TSPAN9: variants seen among roughly 807,000 people sequenced by gnomAD.
TSPAN9 encodes tetraspanin-9.
A neutral mutation model predicts 31.0 loss-of-function variants in TSPAN9; 16 were observed. The observed-to-expected ratio is 0.52, with a 90% CI of 0.35 to 0.78. The LOEUF is 0.78. Ranked by LOEUF, TSPAN9 falls within the 30% of genes least tolerant of loss-of-function variation. The pLI is 0.01. For synonymous variants in TSPAN9, 145 were observed against 121.6 expected (o/e 1.19, Z -1.27); for missense variants, 272 against 312.5 (o/e 0.87, Z 0.98).
intron 2 of TSPAN9, among the ~76,000 whole-genome samples, chr12:3,093,576 A>G (rs1029688858): frequency 6.6e-5 from 10 of 152,160 alleles, no homozygotes; most frequent in Non-Finnish European, 1.0e-4. Context: ...CAGAGGGCAG[A>G]TCGAATGGAT....
intron 2 of TSPAN9, among the ~76,000 whole-genome samples, chr12:3,151,786 C>T (rs1411214882): frequency 6.6e-6 from 1 of 152,020 alleles, no homozygotes; most frequent in Non-Finnish European, 1.5e-5. Flanking sequence ...ACAAAACAAC[C>T]GTGGTGTGCG....
chr12:3,131,568 T>C (rs1204030797), intron 2 of TSPAN9, among the ~76,000 whole-genome samples: 1 of 152,192 alleles, frequency 6.6e-6, no homozygotes, highest in Non-Finnish European at 1.5e-5. Flanking sequence ...GCTTCTGGCC[T>C]GACCGTGGCA....
intron 3 of TSPAN9, among the ~76,000 whole-genome samples, chr12:3,251,747 G>C (rs1208924023): frequency 6.6e-6 from 1 of 152,204 alleles, no homozygotes; most frequent in South Asian, 2.1e-4. Context: ...GTTGGCACCA[G>C]CTGTCAGCCC....
At chr12:3,123,281 C>T (rs1433498633) in intron 2 of TSPAN9, among the ~76,000 whole-genome samples, 2 of 152,222 alleles carry the variant, frequency 1.3e-5, no homozygotes, top group Non-Finnish European at 2.9e-5. Flanking sequence ...CCTGCTTACT[C>T]TTGGTGCCCT....
intron 3 of TSPAN9, among the ~76,000 whole-genome samples, chr12:3,251,716 C>T (rs1862246375): frequency 6.6e-6 from 1 of 152,212 alleles, no homozygotes; most frequent in Non-Finnish European, 1.5e-5. Flanking sequence ...CTCTGGCTGC[C>T]TGGGCCTCCT....
At position 3,089,637 on chromosome 12, in the gene TSPAN9, G is replaced by A. The variant is rs184809018; in HGVS notation, c.-18+5918G>A. Among the ~76,000 whole-genome samples, 79 of 152,156 alleles carry A rather than the reference G, an allele frequency of 5.2e-4. 1 individual carries two copies. Among genetic ancestry groups the A allele is most frequent in the Non-Finnish European group, 9.9e-4 (67 of 68,004 alleles). The stretch of plus-strand genomic sequence containing the variant: ...TTAAAAAGCATCCTTTTGGCTGGGT[G>A]TGGTAGCTTATGCCTGTACTCCCAG... On this transcript the variant is annotated intron_variant, in intron 2 of 8. Transcript: ENST00000011898.
chr12:3,157,653 C>T (rs1420431776), intron 2 of TSPAN9, among the ~76,000 whole-genome samples: 2 of 152,316 alleles, frequency 1.3e-5, no homozygotes, highest in East Asian at 3.9e-4. Context: ...AGAAACAGAC[C>T]TACAGAGGTC....
intron 3 of TSPAN9, among the ~76,000 whole-genome samples, chr12:3,236,761 ACTCTT>A (rs765214629): frequency 6.2e-4 from 94 of 151,502 alleles, no homozygotes; most frequent in Non-Finnish European, 2.2e-4. Context: ...CAGGCTCATG[ACTCTT>A]CTCCAGGTTC....
In TSPAN9 at chr12:3,284,644, C is replaced by G. The variant is rs184965642; in HGVS notation, c.*1528C>G. On this transcript the variant is annotated 3_prime_UTR_variant, in exon 9 of 9. Coordinates refer to ENST00000011898, the MANE Select transcript of TSPAN9 (RefSeq NM_006675.5). ...GGAGTGGGATTCAGCTGCAGCAGGG[C>G]GCCCCCTCCAAACTGCAGCTGGTCT... is the stretch of plus-strand genomic sequence containing the variant. 6.6e-6 allele frequency: 1 copy of G among 152,528 alleles called. No homozygotes were observed. The highest frequency in any genetic ancestry group is 2.4e-5 in the African/African-American group (1 of 41,428). The allele number at this position is 152,528 out of a possible 1,614,324, so 9.4% of individuals were successfully genotyped here.
chr12:3,266,031 A>G (rs1321713021), intron 3 of TSPAN9, among the ~76,000 whole-genome samples: 2 of 152,056 alleles, frequency 1.3e-5, no homozygotes, highest in Non-Finnish European at 2.9e-5. Context: ...GGCTGCCTCC[A>G]TCCCCACTAG....
chr12:3,193,235 A>T (rs1164302456), intron 2 of TSPAN9, among the ~76,000 whole-genome samples: 2 of 152,156 alleles, frequency 1.3e-5, no homozygotes, highest in African/African-American at 4.8e-5. Context: ...GACAGGGGTC[A>T]TTGAAGGCAT....
chr12:3,259,540 G>A (rs1862410753), intron 3 of TSPAN9, among the ~76,000 whole-genome samples: 1 of 152,170 alleles, frequency 6.6e-6, no homozygotes, highest in South Asian at 2.1e-4. Flanking sequence ...CGTTTAGCAG[G>A]GAAGACAGAC....
At chr12:3,220,036 T>G (rs1257879060) in intron 3 of TSPAN9, among the ~76,000 whole-genome samples, 1 of 151,716 alleles carries the variant, frequency 6.6e-6, no homozygotes, top group Non-Finnish European at 1.5e-5. Context: ...TCCCAGCTGC[T>G]TGGAAGGCTA....
At chr12:3,092,459 G>C (rs1177383958) in intron 2 of TSPAN9, among the ~76,000 whole-genome samples, 3 of 152,134 alleles carry the variant, frequency 2.0e-5, no homozygotes, top group Non-Finnish European at 4.4e-5. Flanking sequence ...GTCTATTTCT[G>C]TTTTACCCAG....
intron 3 of TSPAN9, among the ~76,000 whole-genome samples, chr12:3,235,571 A>G (rs2153976618): frequency 6.6e-6 from 1 of 152,260 alleles, no homozygotes; most frequent in Middle Eastern, 3.4e-3. Flanking sequence ...ACCAGGGGCT[A>G]CATGGATCAA....
chr12:3,096,071 G>A (rs2098308617), intron 2 of TSPAN9, among the ~76,000 whole-genome samples: 1 of 152,022 alleles, frequency 6.6e-6, no homozygotes, highest in Non-Finnish European at 1.5e-5. Flanking sequence ...CGGCGGCAAA[G>A]ACTGAGACAG....
intron 3 of TSPAN9, chr12:3,211,592 C>CTTTT: frequency 5.4e-6 from 5 of 928,618 alleles, no homozygotes; most frequent in Middle Eastern, 3.4e-4. Flanking sequence ...AAATTGCTGT[C>CTTTT]TTTTTTTTTT....
chr12:3,120,333 C>T (rs978161350), intron 2 of TSPAN9, among the ~76,000 whole-genome samples: 4 of 152,278 alleles, frequency 2.6e-5, no homozygotes, highest in African/African-American at 7.2e-5. Flanking sequence ...TCTTTGGAAC[C>T]TGGCTGATTA....
rs2098315157 is a variant in TSPAN9 at position 3,107,221 on chromosome 12, G to T, written c.-18+23502G>T. Among the ~76,000 whole-genome samples, 1 of 152,164 alleles carries T rather than the reference G, an allele frequency of 6.6e-6. No individual in the cohort carries two copies. Among genetic ancestry groups the T allele is most frequent in the South Asian group, 2.1e-4 (1 of 4,826 alleles). ...GGAGGGAGGCTCTATCTAGAAAGCT[G>T]CCTCCATAAATTTGAGTTAGAGTGG... On this transcript the variant is annotated intron_variant, in intron 2 of 8. Transcript: ENST00000011898. The surrounding 1 kb of genome is among the most constrained non-coding windows in gnomAD (Gnocchi z 4.1).
Sources: allele counts gnomAD v4.1 joint callset (sites outside exome capture counted in the v4.1 genomes callset), GRCh38; gene constraint gnomAD v4.1.1; non-coding constraint Gnocchi (gnomAD v3.1); transcripts MANE v1.5; gene names NCBI Gene and HGNC (gene_info 2026-07-23, HGNC 2026-07-21).